MGA: variants seen among roughly 807,000 people sequenced by gnomAD.
MGA encodes the protein MAX gene-associated protein.
In MGA, 40 loss-of-function variants were observed where a neutral mutation model predicts 261.1. The ratio of observed to expected loss-of-function variants is 0.15; its 90% confidence interval spans 0.12 to 0.20. The LOEUF is 0.20. Among genes scored for constraint, MGA ranks in the 10% least tolerant of loss-of-function variants. The pLI is 1.00. For missense variants in MGA, 3,397 were observed against 3,630.5 expected (o/e 0.94, Z 1.65); for synonymous variants, 1,302 against 1,290.6 (o/e 1.01, Z -0.19).
At chr15:41,718,255 A>G in intron 9 of MGA, 1 of 210,004 alleles carries the variant, frequency 4.8e-6, no homozygotes, top group Non-Finnish European at 9.4e-6. Context: ...CTATATATAG[A>G]TAGATATCTT....
At chr15:41,673,551 T>TTC (rs1249916231) in intron 2 of MGA, among the ~76,000 whole-genome samples, 1 of 149,228 alleles carries the variant, frequency 6.7e-6, no homozygotes, top group Non-Finnish European at 1.5e-5. Flanking sequence ...TTTTTTTTTT[T>TTC]TTTTTTTTGA....
chr15:41,762,460 GGTTT>G (rs2063520292), intron 22 of MGA, 98 bp downstream of exon 22: 11 of 190,520 alleles, frequency 5.8e-5, no homozygotes, highest in African/African-American at 1.3e-4. Flanking sequence ...AGTTTTGTGT[GGTTT>G]TTTTTTTTTT....
chr15:41,669,728 C>T lies in MGA; in HGVS notation c.834C>T (p.Asp278=). Residue 278 remains aspartate, a synonymous_variant, in exon 2 of 24, where the codon GAC becomes GAT. Coordinates refer to ENST00000219905, the MANE Select transcript of MGA (RefSeq NM_001164273.2). Reference sequence around the variant, plus strand: ...ATGGAAAACAAAAGAACAGCTCTGACCAAGAAGGGAATAATATTTCCAGTT... The same window carrying T: ...ATGGAAAACAAAAGAACAGCTCTGATCAAGAAGGGAATAATATTTCCAGTT... The T allele has an allele frequency of 6.2e-7, 1 of 1,613,578 alleles. No individual in the cohort carries two copies. The highest frequency in any genetic ancestry group is 8.5e-7 in the Non-Finnish European group (1 of 1,179,678).
At position 41,698,935 on chromosome 15, in the gene MGA, G is replaced by C; in HGVS notation, c.2086G>C (p.Asp696His). Residue 696 changes from aspartate to histidine, a missense_variant, in exon 4 of 24, where the codon GAC becomes CAC. Asp to His is a moderately conservative substitution (Grantham distance 81). Around this residue, in one of 9 missense-constraint regions of MGA, gnomAD observed 563 missense variants for 563.6 expected, o/e 1.00. Transcript: ENST00000219905. The stretch of plus-strand genomic sequence containing the variant: ...TAGTCTCCAGGCATCAACCACAAAT[G>C]ACTCAGGTATTATAAAATAGTATAA... 6.5e-7 allele frequency: 1 copy of C among 1,549,704 alleles called. No homozygotes were observed. Among genetic ancestry groups the C allele is most frequent in the African/African-American group, 1.4e-5 (1 of 72,944 alleles).
At chr15:41,728,063 C>T (rs1165977174) in intron 10 of MGA, among the ~76,000 whole-genome samples, 1 of 152,202 alleles carries the variant, frequency 6.6e-6, no homozygotes, top group Non-Finnish European at 1.5e-5. Flanking sequence ...GGCGCGGTGG[C>T]TCACGCTTGT....
intron 1 of MGA, among the ~76,000 whole-genome samples, chr15:41,663,275 G>A (rs547405482): frequency 6.6e-6 from 1 of 151,730 alleles, no homozygotes; most frequent in East Asian, 1.9e-4. Flanking sequence ...AACTTATTTT[G>A]TTGGCTTTTT....
intron 23 of MGA, 75 bp from the exon 24 acceptor site, chr15:41,765,924 TATATG>T: frequency 8.5e-7 from 1 of 1,169,714 alleles, no homozygotes; most frequent in Non-Finnish European, 1.2e-6. Context: ...CTAAGATGGT[TATATG>T]ATATGACAGA....
At chr15:41,648,035 A>T (rs115754965) in intron 1 of MGA, among the ~76,000 whole-genome samples, 2,027 of 152,294 alleles carry the variant, frequency 0.013, 53 homozygotes, top group African/African-American at 0.046. Flanking sequence ...CATTGCCTCT[A>T]ACCCATTTTA....
chr15:41,687,386 TTTTGTA>T (rs1344624934), intron 2 of MGA, among the ~76,000 whole-genome samples: 1 of 152,184 alleles, frequency 6.6e-6, no homozygotes, highest in African/African-American at 2.4e-5. Context: ...CATGCTTGTC[TTTTGTA>T]TTTGTATTTT....
intron 12 of MGA, among the ~76,000 whole-genome samples, chr15:41,735,757 T>G (rs2151787616): frequency 6.6e-6 from 1 of 152,196 alleles, no homozygotes; most frequent in African/African-American, 2.4e-5. Flanking sequence ...ATCAGAATAC[T>G]ATTTTTCTTG....
In MGA at chr15:41,678,467, A is replaced by G. The variant is rs547502843; in HGVS notation, c.1064+8509A>G. 2.0e-5 allele frequency among the ~76,000 whole-genome samples: 3 copies of G among 151,016 alleles called. No individual in the cohort carries two copies. In the South Asian group the frequency reaches 6.4e-4, roughly 32 times the overall value. ...TGTATCCAGTTTCCCGTCACCATTC[A>G]TTGAAAAGACTGTCCTGGCCGGGTG... On this transcript the variant is annotated intron_variant, in intron 2 of 23. Coordinates refer to ENST00000219905, the MANE Select transcript of MGA (RefSeq NM_001164273.2).
chr15:41,637,951 G>A (rs2056741984), intron 1 of MGA, among the ~76,000 whole-genome samples: 3 of 151,276 alleles, frequency 2.0e-5, no homozygotes, highest in South Asian at 4.2e-4. Context: ...CGTTGGCCAG[G>A]CTGGTCTCGA....
At chr15:41,747,380 T>TA (rs1318048907) in intron 15 of MGA, among the ~76,000 whole-genome samples, 2 of 152,124 alleles carry the variant, frequency 1.3e-5, no homozygotes, top group Non-Finnish European at 2.9e-5. Flanking sequence ...ATAACTCTAG[T>TA]AAGTGTTATG....
At chr15:41,761,593 G>A in intron 20 of MGA, 146 bp from the exon 21 acceptor site, 2 of 569,932 alleles carry the variant, frequency 3.5e-6, no homozygotes, top group Admixed American at 3.5e-5. Flanking sequence ...AATAATTTCT[G>A]AAACATCAAC....
At chr15:41,725,416 A>G (rs1027546484) in intron 9 of MGA, among the ~76,000 whole-genome samples, 1 of 152,168 alleles carries the variant, frequency 6.6e-6, no homozygotes, top group African/African-American at 2.4e-5. Flanking sequence ...GCATGGTGGC[A>G]TGTACCTGTA....
At chr15:41,697,147 G>A in intron 3 of MGA, 124 bp downstream of exon 3, 2 of 809,210 alleles carry the variant, frequency 2.5e-6, no homozygotes, top group South Asian at 2.3e-5. Context: ...TGTATGGGGG[G>A]TGGAGTTGGG....
In MGA at chr15:41,710,832, A is replaced by G; in HGVS notation, c.2567A>G (p.Gln856Arg). ...GCTCCCACATCTCCTGTGGTGTACC[A>G]GCTTCCCACTAAGAGTACCAGTTAT... Residue 856 changes from glutamine to arginine, a missense_variant, in exon 8 of 24, where the codon CAG becomes CGG. Coordinates refer to ENST00000219905, the MANE Select transcript of MGA (RefSeq NM_001164273.2). 1.2e-6 allele frequency: 2 copies of G among 1,614,008 alleles called. No homozygotes were observed. Among genetic ancestry groups the G allele is most frequent in the Non-Finnish European group, 8.5e-7 (1 of 1,179,890 alleles).
chr15:41,643,899 TC>T (rs1391403880), intron 1 of MGA, among the ~76,000 whole-genome samples: 1 of 152,086 alleles, frequency 6.6e-6, no homozygotes, highest in African/African-American at 2.4e-5. Flanking sequence ...CATTGCTAAA[TC>T]CAAGGTTGTG....
At chr15:41,747,686 A>C (rs1385527120) in intron 15 of MGA, among the ~76,000 whole-genome samples, 1 of 152,152 alleles carries the variant, frequency 6.6e-6, no homozygotes, top group East Asian at 1.9e-4. Context: ...ACAGAGTGCG[A>C]TGCTGTCTCA....
Sources: gnomAD v4.1 joint callset for allele counts (sites outside exome capture counted in the v4.1 genomes callset) on GRCh38, gnomAD v4.1.1 for gene constraint, gnomAD v4.1.1 regional missense constraint, MANE v1.5 for transcripts, NCBI Gene and HGNC (gene_info 2026-07-23, HGNC 2026-07-21) for gene names.